ZBTB7C: variants seen among roughly 807,000 people sequenced by gnomAD.
ZBTB7C encodes the protein zinc finger and BTB domain containing 7C, also known as zinc finger and BTB domain-containing protein 7C.
ZBTB7C carries 8 observed loss-of-function variants against 25.7 expected under a neutral mutation model. That is an observed-to-expected ratio of 0.31 (90% confidence interval 0.18 to 0.56). The LOEUF is 0.56. ZBTB7C is among the 20% of genes least tolerant of loss of function. The pLI is 0.91. For synonymous variants in ZBTB7C, 394 were observed against 369.0 expected (o/e 1.07, Z -0.78); for missense variants, 824 against 855.2 (o/e 0.96, Z 0.46).
chr18:48,294,717 C>G (rs1019359273), intron 2 of ZBTB7C, among the ~76,000 whole-genome samples: 1 of 151,938 alleles, frequency 6.6e-6, no homozygotes, highest in African/African-American at 2.4e-5. Context: ...GGGCTTCACC[C>G]CTCCCCCAAC....
intron 1 of ZBTB7C, among the ~76,000 whole-genome samples, chr18:48,382,042 T>C (rs750770694): frequency 2.6e-5 from 4 of 152,124 alleles, no homozygotes; most frequent in East Asian, 1.9e-4. Flanking sequence ...AACAAATAAA[T>C]TGGAAACAAT....
Position 48,090,483 on chromosome 18 carries a change from C to A in ZBTB7C, c.-16-49360G>T, listed in dbSNP as rs556592046. Among the ~76,000 whole-genome samples, 99 of 152,330 alleles carry A rather than the reference C, an allele frequency of 6.5e-4. 4 individuals carry two copies. The South Asian group carries it at 0.019, about 29-fold the overall frequency. On this transcript the variant is annotated intron_variant, in intron 3 of 4. Transcript: ENST00000590800. ...TTATAGACAAGCAAGGCAGGAAGAA[C>A]AAACCAAGTCCTCCGTCAGCTACTT...
chr18:48,269,716 A>C (rs763875289), intron 2 of ZBTB7C, among the ~76,000 whole-genome samples: 2 of 152,198 alleles, frequency 1.3e-5, no homozygotes, highest in Non-Finnish European at 2.9e-5. Flanking sequence ...ACATTTAAAG[A>C]TTTTCAGGAG....
intron 2 of ZBTB7C, among the ~76,000 whole-genome samples, chr18:48,205,573 A>C (rs932611273): frequency 6.6e-6 from 1 of 152,098 alleles, no homozygotes; most frequent in Admixed American, 6.5e-5. Flanking sequence ...TGATTCTTTC[A>C]ATTAATGAAC....
rs533403848 is a variant in ZBTB7C at position 48,400,353 on chromosome 18, A to G, written c.-304+8873T>C. On this transcript the variant is annotated intron_variant, in intron 1 of 4. Coordinates refer to ENST00000590800, the MANE Select transcript of ZBTB7C (RefSeq NM_001318841.2). The stretch of plus-strand genomic sequence containing the variant: ...GTGTCTTTCTTTCAGGAGTTAAAGA[A>G]CACCAGAGCTGAAATGGCTCTTAAA... Among the ~76,000 whole-genome samples the G allele has an allele frequency of 2.5e-3, 387 of 152,374 alleles. 2 individuals carry two copies. The highest frequency in any genetic ancestry group is 8.8e-3 in the African/African-American group (366 of 41,592).
intron 2 of ZBTB7C, among the ~76,000 whole-genome samples, chr18:48,192,658 C>T (rs1447673402): frequency 1.3e-5 from 2 of 152,168 alleles, no homozygotes; most frequent in East Asian, 1.9e-4. Flanking sequence ...GATGGGGTTT[C>T]GCCATGTTGG....
chr18:48,180,064 C>A (rs1337075823), intron 3 of ZBTB7C, among the ~76,000 whole-genome samples: 18 of 141,624 alleles, frequency 1.3e-4, no homozygotes, highest in Non-Finnish European at 2.1e-4. Flanking sequence ...TCCCTCCGTA[C>A]CTTCCTTGCA....
chr18:48,160,300 T>C (rs1205934004), intron 3 of ZBTB7C, among the ~76,000 whole-genome samples: 1 of 152,246 alleles, frequency 6.6e-6, no homozygotes, highest in Non-Finnish European at 1.5e-5. Context: ...GGCTTGTTCA[T>C]GCATCTCACC....
At chr18:48,392,430 G>A (rs963878239) in intron 1 of ZBTB7C, among the ~76,000 whole-genome samples, 2 of 152,194 alleles carry the variant, frequency 1.3e-5, no homozygotes, top group African/African-American at 4.8e-5. Context: ...CCAAGTGCAA[G>A]CTATGGCTGT....
At chr18:48,263,692 TAAA>T (rs76126998) in intron 2 of ZBTB7C, among the ~76,000 whole-genome samples, 1 of 94,168 alleles carries the variant, frequency 1.1e-5, no homozygotes, top group African/African-American at 4.1e-5. Flanking sequence ...ATAAAGCTGC[TAAA>T]AAAAAAAAAA....
intron 1 of ZBTB7C, among the ~76,000 whole-genome samples, chr18:48,395,160 ATAT>A (rs1303513386): frequency 6.6e-6 from 1 of 152,104 alleles, no homozygotes; most frequent in Non-Finnish European, 1.5e-5. Context: ...GGTCATTATA[ATAT>A]TAGTGATAGT....
intron 3 of ZBTB7C, among the ~76,000 whole-genome samples, chr18:48,154,396 C>A (rs76625352): frequency 0.02 from 3,117 of 152,268 alleles, 113 homozygotes; most frequent in African/African-American, 0.071. Context: ...CAGGACAAGG[C>A]CCGAGCTGTA....
chr18:48,394,668 T>A (rs1219168182), intron 1 of ZBTB7C, among the ~76,000 whole-genome samples: 1 of 152,136 alleles, frequency 6.6e-6, no homozygotes, highest in Non-Finnish European at 1.5e-5. Context: ...TCTGTGTGCG[T>A]ATGTGTGTAA....
intron 1 of ZBTB7C, among the ~76,000 whole-genome samples, chr18:48,392,513 G>T (rs770207783): frequency 6.6e-5 from 10 of 152,156 alleles, no homozygotes; most frequent in Non-Finnish European, 1.5e-4. Flanking sequence ...CTGGATAAAG[G>T]CCAAAGTTAG....
chr18:48,340,054 A>G lies in ZBTB7C; in HGVS notation c.-303-1656T>C, dbSNP rs1260657548. Among the ~76,000 whole-genome samples the G allele has an allele frequency of 3.9e-5, 6 of 152,178 alleles. No homozygotes were observed. The South Asian group carries it at 6.2e-4, about 16-fold the overall frequency. On this transcript the variant is annotated intron_variant, in intron 1 of 4. Transcript: ENST00000590800. ...GGCACATATACATTTCATATACTCT[A>G]TGTGTGGAATATATTCTTAAATAAT...
intron 3 of ZBTB7C, among the ~76,000 whole-genome samples, chr18:48,084,508 A>G (rs1282994260): frequency 6.6e-6 from 1 of 152,190 alleles, no homozygotes; most frequent in Non-Finnish European, 1.5e-5. Context: ...TCCACTGGGC[A>G]TGTCTGCACT....
intron 1 of ZBTB7C, among the ~76,000 whole-genome samples, chr18:48,392,102 G>C (rs1166311092): frequency 6.6e-6 from 1 of 152,152 alleles, no homozygotes; most frequent in Non-Finnish European, 1.5e-5. Context: ...GCTGGCAAAG[G>C]CTGAAAGGGA....
At chr18:48,290,410 G>A (rs1406807511) in intron 2 of ZBTB7C, among the ~76,000 whole-genome samples, 2 of 152,242 alleles carry the variant, frequency 1.3e-5, no homozygotes, top group Non-Finnish European at 2.9e-5. Context: ...GGAGAGGGTG[G>A]GCAATGGCTT....
At chr18:48,197,626 G>A (rs752408324) in intron 2 of ZBTB7C, among the ~76,000 whole-genome samples, 6 of 152,134 alleles carry the variant, frequency 3.9e-5, no homozygotes, top group African/African-American at 7.2e-5. Context: ...TCAAGGTGCC[G>A]GCCAGTTGAG....
Sources: gnomAD v4.1 joint callset for allele counts (sites outside exome capture counted in the v4.1 genomes callset) on GRCh38, gnomAD v4.1.1 for gene constraint, MANE v1.5 for transcripts, NCBI Gene and HGNC (gene_info 2026-07-23, HGNC 2026-07-21) for gene names.